Variants in NXPE2 observed in about 807,000 individuals in gnomAD.
The protein encoded by NXPE2 is NXPE family member 2.
A neutral mutation model predicts 34.4 loss-of-function variants in NXPE2; 34 were observed. The ratio of observed to expected loss-of-function variants is 0.99; its 90% CI spans 0.75 to 1.31. The LOEUF (loss-of-function observed/expected upper bound fraction) is 1.31, where lower values mean the gene tolerates loss of function less well. Ranked by LOEUF, NXPE2 falls within the 40% of genes most tolerant of loss-of-function variation. The probability of loss-of-function intolerance (pLI) is 0.00; values close to 1 mark genes in which losing one functional copy is unlikely to be tolerated. For synonymous variants in NXPE2, 235 were observed against 231.3 expected, an observed-to-expected ratio of 1.02 and a Z score of -0.15; for missense variants, 649 against 672.5, an observed-to-expected ratio of 0.97 and a Z score of 0.39.
chr11:114,758,667 G>T, the NXPE2 span, among the ~76,000 whole-genome samples: 1 of 151,996 alleles, frequency 6.6e-6, no homozygotes, highest in Admixed American at 6.6e-5. Context: ...ACTTAATTCA[G>T]CACCCTTCAC....
chr11:114,576,043 G>T, the NXPE2 span, among the ~76,000 whole-genome samples: 250 of 152,132 alleles, frequency 1.6e-3, 2 homozygotes, highest in South Asian at 5.0e-3. Flanking sequence ...CAGAAATAAA[G>T]CCCAATACTT....
the NXPE2 span, among the ~76,000 whole-genome samples, chr11:114,782,748 T>G: frequency 6.6e-6 from 1 of 152,110 alleles, no homozygotes; most frequent in Non-Finnish European, 1.5e-5. Flanking sequence ...CAGGACGAGG[T>G]ATGGTTCTTG....
the NXPE2 span, among the ~76,000 whole-genome samples, chr11:114,752,772 G>T: frequency 1.3e-5 from 2 of 152,234 alleles, no homozygotes; most frequent in East Asian, 3.9e-4. Flanking sequence ...TTAAATTTAA[G>T]ATGCCTTTTA....
At chr11:114,566,860 C>T in the NXPE2 span, among the ~76,000 whole-genome samples, 6 of 152,038 alleles carry the variant, frequency 3.9e-5, no homozygotes, top group Non-Finnish European at 8.8e-5. Context: ...ACAAATGACC[C>T]AGTTGAAAGG....
At chr11:114,610,837 G>C in the NXPE2 span, among the ~76,000 whole-genome samples, 1 of 151,974 alleles carries the variant, frequency 6.6e-6, no homozygotes. Flanking sequence ...TGGATAATAA[G>C]TATTGCCTCT....
chr11:114,472,124 A>G, the NXPE2 span, among the ~76,000 whole-genome samples: 1 of 152,210 alleles, frequency 6.6e-6, no homozygotes, highest in African/African-American at 2.4e-5. Context: ...TCTAGCATAT[A>G]CAGAGTCTGT....
At chr11:114,629,166 A>G in the NXPE2 span, among the ~76,000 whole-genome samples, 3 of 152,092 alleles carry the variant, frequency 2.0e-5, no homozygotes, top group Non-Finnish European at 4.4e-5. Context: ...TCCCTAACTC[A>G]TTTTATGAGG....
chr11:114,479,674 A>G, the NXPE2 span, among the ~76,000 whole-genome samples: 5 of 152,144 alleles, frequency 3.3e-5, no homozygotes, highest in Admixed American at 3.3e-4. Flanking sequence ...CAGCAGTTTG[A>G]AGCTTAGGAG....
the NXPE2 span, among the ~76,000 whole-genome samples, chr11:114,628,956 C>T: frequency 6.6e-6 from 1 of 152,036 alleles, no homozygotes; most frequent in African/African-American, 2.4e-5. Context: ...CATACACCCT[C>T]CCAAGACTAA....
chr11:114,498,039 G>A, the NXPE2 span, among the ~76,000 whole-genome samples: 1 of 152,024 alleles, frequency 6.6e-6, no homozygotes, highest in Non-Finnish European at 1.5e-5. Context: ...TATTGTTAAA[G>A]ATGGAACTTT....
chr11:114,580,808 T>C, the NXPE2 span, among the ~76,000 whole-genome samples: 8 of 152,186 alleles, frequency 5.3e-5, 1 homozygote, highest in Non-Finnish European at 1.0e-4. Context: ...GCTTGGGAAC[T>C]GACCAATCCA....
chr11:114,716,615 T>C, the NXPE2 span, among the ~76,000 whole-genome samples: 2 of 152,194 alleles, frequency 1.3e-5, no homozygotes, highest in African/African-American at 4.8e-5. Context: ...ATGAAGACTG[T>C]GCAGTGGTAC....
At chr11:114,734,901 G>A in the NXPE2 span, among the ~76,000 whole-genome samples, 1 of 152,142 alleles carries the variant, frequency 6.6e-6, no homozygotes, top group Admixed American at 6.5e-5. Flanking sequence ...AAGGTCAGGA[G>A]ATCAAAACCA....
the NXPE2 span, among the ~76,000 whole-genome samples, chr11:114,619,970 C>T: frequency 6.6e-6 from 1 of 151,952 alleles, no homozygotes; most frequent in African/African-American, 2.4e-5. Flanking sequence ...TCGTGAGTAA[C>T]CACTGTTACC....
At chr11:114,665,781 TAA>T in the NXPE2 span, among the ~76,000 whole-genome samples, 8 of 152,300 alleles carry the variant, frequency 5.3e-5, no homozygotes, top group African/African-American at 1.9e-4. Context: ...TGTGCAGGTT[TAA>T]AGTTTCTCCT....
chr11:114,670,486 G>A, the NXPE2 span, among the ~76,000 whole-genome samples: 35 of 152,036 alleles, frequency 2.3e-4, no homozygotes, highest in Admixed American at 1.3e-3. Flanking sequence ...TTGAGGCTAG[G>A]AGTTGGAAAT....
chr11:114,496,809 A>C, the NXPE2 span, among the ~76,000 whole-genome samples: 1 of 152,152 alleles, frequency 6.6e-6, no homozygotes, highest in Admixed American at 6.5e-5. Flanking sequence ...GAGCTGAAAA[A>C]TTCCTATTGC....
the NXPE2 span, chr11:114,553,696 T>C: frequency 2.8e-5 from 28 of 984,442 alleles, no homozygotes; most frequent in South Asian, 4.7e-5. Context: ...ACCTAGATTC[T>C]ACTCCTTAGC....
At chr11:114,639,098 C>T in the NXPE2 span, among the ~76,000 whole-genome samples, 1 of 152,090 alleles carries the variant, frequency 6.6e-6, no homozygotes, top group Non-Finnish European at 1.5e-5. Flanking sequence ...GGCAGCCCTC[C>T]TTGAGCTGTG....
Sources: gnomAD v4.1 joint callset for allele counts (sites outside exome capture counted in the v4.1 genomes callset) on GRCh38, gnomAD v4.1.1 for gene constraint, MANE v1.5 for transcripts, NCBI Gene and HGNC (gene_info 2026-07-23, HGNC 2026-07-21) for gene names.